CHD5: variants seen among roughly 807,000 people sequenced by gnomAD.
The protein encoded by CHD5 is ATP-dependent chromatin remodeler CHD5.
A neutral mutation model predicts 230.3 loss-of-function variants in CHD5; 69 were observed. That is an observed-to-expected ratio of 0.30 (90% CI 0.25 to 0.37). The LOEUF (loss-of-function observed/expected upper bound fraction) is 0.37, where lower values mean the gene tolerates loss of function less well. Among genes scored for constraint, CHD5 ranks in the 10% least tolerant of loss-of-function variants. The probability of loss-of-function intolerance (pLI) is 1.00; values close to 1 mark genes in which losing one functional copy is unlikely to be tolerated. For missense variants in CHD5, 1,827 were observed against 2,622.8 expected (o/e 0.70, Z 6.63); for synonymous variants, 1,064 against 1,065.9 (o/e 1.00, Z 0.03).
In CHD5 at chr1:6,102,499, GCACACTGGAGGCTC is replaced by G. The variant is rs1666081467; in HGVS notation, c.*2961_*2974del. 6.6e-6 allele frequency: 1 copy of G among 152,320 alleles called. No homozygotes were observed. Among genetic ancestry groups the G allele is most frequent in the Non-Finnish European group, 1.5e-5 (1 of 68,108 alleles). 9.4% of individuals were successfully genotyped at this position (152,320 alleles called of 1,614,324 possible). A position where few individuals can be genotyped will look rare whatever the true frequency, so the allele number is the denominator to read the frequency against. On this transcript the variant is annotated 3_prime_UTR_variant, in exon 42 of 42. Transcript: ENST00000262450. ...CTGTCCCCTGCCCACAGACCCTGAC[GCACACTGGAGGCTC>G]CAAGTGACCGACACTTGACCAAGTC...
chr1:6,147,840 G>A (rs1666935199), intron 9 of CHD5, among the ~76,000 whole-genome samples: 1 of 152,084 alleles, frequency 6.6e-6, no homozygotes, highest in African/African-American at 2.4e-5. Flanking sequence ...AAGGCCGAGA[G>A]GCAGAGGAGG....
At chr1:6,159,052 T>C (rs1291771111) in intron 3 of CHD5, among the ~76,000 whole-genome samples, 1 of 130,772 alleles carries the variant, frequency 7.6e-6, no homozygotes, top group Non-Finnish European at 1.6e-5. Flanking sequence ...CTGGCCAACA[T>C]GGTAAAATCC....
chr1:6,133,753 TGCCAGTG>T (rs959333983), intron 20 of CHD5, among the ~76,000 whole-genome samples: 2 of 152,166 alleles, frequency 1.3e-5, no homozygotes, highest in Non-Finnish European at 2.9e-5. Context: ...AAAAGCCAGG[TGCCAGTG>T]GCCCCTCAGG....
rs1195597753 is a variant in CHD5, at chr1:6,135,355, G to A, written c.2745C>T (p.Asp915=). ...LEEFADISKE[D]QIKKLHDLLG... is the part of the protein sequence containing the mutation. ...GCAGGTCATGCAGCTTCTTGATCTG[G>A]TCTTCCTTGGAGATGTCAGCAAACT... is the stretch of plus-strand genomic sequence containing the variant. Residue 915 remains aspartate, a synonymous_variant, in exon 18 of 42, where the codon GAC becomes GAT. Transcript: ENST00000262450. 1.2e-6 allele frequency: 2 copies of A among 1,614,010 alleles called. No individual in the cohort carries two copies. The highest frequency in any genetic ancestry group is 2.2e-5 in the South Asian group (2 of 91,084).
intron 13 of CHD5, 148 bp downstream of exon 13, chr1:6,143,673 TCC>T (rs1666865576): frequency 4.3e-6 from 3 of 703,300 alleles, no homozygotes; most frequent in Non-Finnish European, 2.4e-6. Flanking sequence ...CTTCCAGCTG[TCC>T]TAGCCTACAT....
At position 6,143,890 on chromosome 1, in the gene CHD5, A is replaced by G; in HGVS notation, c.1976T>C (p.Leu659Pro). The change falls in exon 13 of 42, where the codon CTG (leucine) becomes CCG (proline). Residue 659 changes from leucine (L) to proline (P), a missense_variant. Coordinates refer to ENST00000262450, the MANE Select transcript of CHD5 (RefSeq NM_015557.3). ...CCTCAGCTTCTTGCCCTTCTTGAGC[A>G]GCCTCTTGGGCAGCCTGGTGTCTTC... is the stretch of plus-strand genomic sequence containing the variant. ...LGEDTRLPKR[L>P]LKKGKKLRDD... The G allele has an allele frequency of 1.2e-6, 2 of 1,613,192 alleles. No homozygotes were observed. The highest frequency in any genetic ancestry group is 1.7e-6 in the Non-Finnish European group (2 of 1,179,736).
rs1242711609 is a variant in CHD5 at position 6,146,785 on chromosome 1, C to A, written c.1470G>T (p.Gly490=). ...GAGGGAGGCTGGGCTCCACGTCAGG[C>A]CCCGGCAGCCCCACCATGAAGGGGG... is the stretch of plus-strand genomic sequence containing the variant. The part of the protein sequence containing the change: ...PPAPFMVGLP[G]PDVEPSLPPP... The change falls in exon 10 of 42, where the codon GGG becomes GGT. Residue 490 remains glycine (G), a synonymous_variant. Transcript: ENST00000262450. The surrounding 1 kb of genome is among the most constrained non-coding windows in gnomAD (Gnocchi z 5.1). 2 of 1,596,618 alleles carry A rather than the reference C, an allele frequency of 1.3e-6. No individual in the cohort carries two copies. The highest frequency in any genetic ancestry group is 1.1e-5 in the South Asian group (1 of 88,922).
chr1:6,125,645 G>C lies in CHD5; in HGVS notation c.4172-33C>G. On this transcript the variant is annotated intron_variant, in intron 27 of 41. Transcript: ENST00000262450. This position sits in a 1 kb window ranked among gnomAD's most constrained non-coding sequence, Gnocchi z 6.7. ...GCAGCCCGCCACAGTTCCTCAGGTG[G>C]GAGCCCAGAGATTCCTGATCCCCAA... is the stretch of plus-strand genomic sequence containing the variant. 6.2e-7 allele frequency: 1 copy of C among 1,612,142 alleles called. No individual in the cohort carries two copies. The highest frequency in any genetic ancestry group is 8.5e-7 in the Non-Finnish European group (1 of 1,178,414).
At chr1:6,109,111 T>C (rs370250510) in intron 38 of CHD5, among the ~76,000 whole-genome samples, 1 of 152,008 alleles carries the variant, frequency 6.6e-6, no homozygotes, top group Non-Finnish European at 1.5e-5. Flanking sequence ...CAGGAGCCCC[T>C]CTGGGCTGGG....
intron 5 of CHD5, among the ~76,000 whole-genome samples, chr1:6,152,826 G>A (rs758536712): frequency 7.9e-5 from 12 of 152,112 alleles, no homozygotes; most frequent in Non-Finnish European, 1.3e-4. Context: ...CCCCTATACC[G>A]TCTCCAACCA....
chr1:6,162,140 G>T (rs1475469035), intron 2 of CHD5, among the ~76,000 whole-genome samples: 1 of 152,180 alleles, frequency 6.6e-6, no homozygotes, highest in Non-Finnish European at 1.5e-5. Flanking sequence ...CCAGCACTTT[G>T]GGAGGCCGAG....
intron 1 of CHD5, among the ~76,000 whole-genome samples, chr1:6,173,333 T>C (rs1667368697): frequency 6.6e-6 from 1 of 152,008 alleles, no homozygotes; most frequent in Non-Finnish European, 1.5e-5. Flanking sequence ...CTCGATCTCC[T>C]GACCTCGTGA....
intron 1 of CHD5, among the ~76,000 whole-genome samples, chr1:6,177,644 T>C (rs1243659314): frequency 6.6e-6 from 1 of 152,176 alleles, no homozygotes; most frequent in Non-Finnish European, 1.5e-5. Context: ...AAAGAAAGCA[T>C]GACAATGTGT....
At chr1:6,170,646 C>A (rs1667323031) in intron 1 of CHD5, among the ~76,000 whole-genome samples, 1 of 152,186 alleles carries the variant, frequency 6.6e-6, no homozygotes, top group African/African-American at 2.4e-5. Flanking sequence ...CACAGGGGAG[C>A]CAGCAGCAAG....
In CHD5 at chr1:6,135,282, T is replaced by G; in HGVS notation, c.2818A>C (p.Met940Leu). 6.2e-7 allele frequency: 1 copy of G among 1,614,160 alleles called. No individual in the cohort carries two copies. The highest frequency in any genetic ancestry group is 8.5e-7 in the Non-Finnish European group (1 of 1,180,050). ...ACAATGAGCTCGGTCTTGGCCGGCA[T>G]GTTCTTGAACACGTCAGCCTTGAGC... ...RRLKADVFKN[M>L]PAKTELIVRV... Residue 940 changes from methionine (M) to leucine (L), a missense_variant, in exon 18 of 42, where the codon ATG becomes CTG. Transcript: ENST00000262450.
intron 31 of CHD5, among the ~76,000 whole-genome samples, chr1:6,122,143 G>T (rs1666481811): frequency 6.6e-6 from 1 of 152,194 alleles, no homozygotes; most frequent in South Asian, 2.1e-4. Context: ...CACCTCCAAG[G>T]GCTCCCTTGT....
chr1:6,137,281 T>G (rs1666760936), intron 15 of CHD5, among the ~76,000 whole-genome samples: 1 of 152,118 alleles, frequency 6.6e-6, no homozygotes, highest in South Asian at 2.1e-4. Flanking sequence ...CTAATTTTTG[T>G]ATTTTTGTAG....
rs895673649 is a variant in CHD5, at chr1:6,131,047, G to C, written c.3262+584C>G. 2.6e-5 allele frequency among the ~76,000 whole-genome samples: 4 copies of C among 152,222 alleles called. No homozygotes were observed. Among genetic ancestry groups the C allele is most frequent in the African/African-American group, 9.6e-5 (4 of 41,452 alleles). On this transcript the variant is annotated intron_variant, in intron 21 of 41. Transcript: ENST00000262450. This position sits in a 1 kb window ranked among gnomAD's most constrained non-coding sequence, Gnocchi z 5.0. The stretch of plus-strand genomic sequence containing the variant: ...CCAGCCCCTAAGGGCTGACGCCCCA[G>C]GGAAACAAAGCTTGTTACTATTTGC...
Position 6,106,386 on chromosome 1 carries a change from G to A in CHD5, c.5857+9C>T, listed in dbSNP as rs775616527. The A allele has an allele frequency of 2.5e-6, 4 of 1,604,256 alleles. No homozygotes were observed. The highest frequency in any genetic ancestry group is 1.3e-5 in the African/African-American group (1 of 74,878). On this transcript the variant is annotated intron_variant, in intron 40 of 41. Transcript: ENST00000262450. ...GTGTGCATGCTGCCCGGAGCGGACG[G>A]GCACCTACCGGTCACATAGGGCCCC...
Sources: allele counts gnomAD v4.1 joint callset (sites outside exome capture counted in the v4.1 genomes callset), GRCh38; gene constraint gnomAD v4.1.1; non-coding constraint Gnocchi (gnomAD v3.1); transcripts MANE v1.5; gene names NCBI Gene and HGNC (gene_info 2026-07-23, HGNC 2026-07-21).